TSTD2: variants seen among roughly 807,000 people sequenced by gnomAD.
The protein encoded by TSTD2 is thiosulfate sulfurtransferase/rhodanese-like domain-containing protein 2.
A neutral mutation model predicts 47.9 loss-of-function variants in TSTD2; 37 were observed. The observed-to-expected ratio is 0.77, with a 90% confidence interval of 0.59 to 1.02. The LOEUF (loss-of-function observed/expected upper bound fraction) is 1.02. Ranked by LOEUF, TSTD2 falls within the 50% of genes least tolerant of loss-of-function variation. The pLI, the probability that TSTD2 is intolerant of heterozygous loss-of-function variation, is 0.00. For missense variants in TSTD2, 586 were observed against 616.0 expected, an observed-to-expected ratio of 0.95 and a Z score of 0.52; for synonymous variants, 201 against 215.9, an observed-to-expected ratio of 0.93 and a Z score of 0.61.
At chr9:97,631,808 C>A (rs1200892846) in intron 1 of TSTD2, among the ~76,000 whole-genome samples, 1 of 151,968 alleles carries the variant, frequency 6.6e-6, no homozygotes, top group Non-Finnish European at 1.5e-5. Flanking sequence ...CGTGCCACTG[C>A]ACTCCAGCCT....
Position 97,625,711 on chromosome 9 carries a change from A to G in TSTD2, c.452T>C (p.Ile151Thr), listed in dbSNP as rs1471816339. 1.5e-5 allele frequency: 25 copies of G among 1,613,736 alleles called. No homozygotes were observed. The highest frequency in any genetic ancestry group is 1.5e-4 in the Admixed American group (9 of 59,970). The stretch of plus-strand genomic sequence containing the variant: ...CAGCTCATCAGGGTTAAAGCAGCTT[A>G]TATCAGGGAGCCAAGCAGACACGTC... ...SHDVSAWLPD[I>T]SCFNPDELIS... is the part of the protein sequence containing the mutation. Residue 151 changes from isoleucine to threonine, a missense_variant, in exon 3 of 10, where the codon ATA becomes ACA. By Grantham distance (89) the Ile-to-Thr change is moderately conservative. Transcript: ENST00000341170.
Position 97,627,509 on chromosome 9 carries a change from T to C in TSTD2, c.54A>G (p.Leu18=). 1 of 1,613,418 alleles carries C rather than the reference T, an allele frequency of 6.2e-7. No individual in the cohort carries two copies. The highest frequency in any genetic ancestry group is 8.5e-7 in the Non-Finnish European group (1 of 1,179,506). ...DQGDDLENCI[L]RFSDLDLKDM... is the part of the protein sequence containing the mutation. ...CTTTTAAATCCAGGTCAGAAAATCTTAAAATGCAGTTCTCCAGGTCATCTC... is the reference window on the plus strand; with the variant it reads ...CTTTTAAATCCAGGTCAGAAAATCTCAAAATGCAGTTCTCCAGGTCATCTC... Residue 18 remains leucine, a synonymous_variant, in exon 2 of 10, where the codon TTA becomes TTG. Coordinates refer to ENST00000341170, the MANE Select transcript of TSTD2 (RefSeq NM_139246.5).
rs1279408273 is a variant in TSTD2 at position 97,602,240 on chromosome 9, C to G, written c.*229G>C. ...TCAGCAGCTTTGGGATCCCATGCAG[C>G]TCACCTATTTTCTGTGCTCTAGCAT... On this transcript the variant is annotated 3_prime_UTR_variant, in exon 10 of 10. Transcript: ENST00000341170. 1.1e-5 allele frequency: 6 copies of G among 534,250 alleles called. No individual in the cohort carries two copies. The highest frequency in any genetic ancestry group is 1.9e-5 in the Non-Finnish European group (6 of 311,228). The allele number at this position is 534,250 out of a possible 1,614,324, so 33.1% of individuals were successfully genotyped here. A position where few individuals can be genotyped will look rare whatever the true frequency, so the allele number is the denominator to read the frequency against.
At chr9:97,627,235 C>T in intron 2 of TSTD2, 163 bp downstream of exon 2, 2 of 1,317,526 alleles carry the variant, frequency 1.5e-6, no homozygotes, top group Non-Finnish European at 2.0e-6. Flanking sequence ...CAGGACCACA[C>T]CTTGCCTATG....
chr9:97,617,527 A>G (rs1306496013), intron 4 of TSTD2, among the ~76,000 whole-genome samples: 2 of 152,230 alleles, frequency 1.3e-5, no homozygotes. Context: ...ATTATCTACT[A>G]TCTGGTTCTT....
intron 9 of TSTD2, among the ~76,000 whole-genome samples, chr9:97,603,460 CTCTT>C (rs1272015091): frequency 2.6e-5 from 4 of 152,326 alleles, no homozygotes; most frequent in African/African-American, 9.6e-5. Context: ...ATCAAATCTA[CTCTT>C]TCTACTTGTT....
Position 97,600,535 on chromosome 9 carries a change from C to T in TSTD2, c.*1934G>A. The T allele has an allele frequency of 1.0e-6, 1 of 985,818 alleles. No homozygotes were observed. Among genetic ancestry groups the T allele is most frequent in the Non-Finnish European group, 1.2e-6 (1 of 830,260 alleles). The allele number at this position is 985,818 out of a possible 1,614,324, so 61.1% of individuals were successfully genotyped here. ...TTTGAAAACACCTTTCTATATTGCA[C>T]AGTGGGCAAATGGCTTATGTGAGGT... is the stretch of plus-strand genomic sequence containing the variant. On this transcript the variant is annotated 3_prime_UTR_variant, in exon 10 of 10. Transcript: ENST00000341170.
intron 3 of TSTD2, among the ~76,000 whole-genome samples, chr9:97,620,480 G>A (rs981965255): frequency 3.3e-5 from 5 of 152,244 alleles, no homozygotes; most frequent in Non-Finnish European, 7.3e-5. Context: ...ACCCAAAAAG[G>A]TGGAAGTGAT....
intron 3 of TSTD2, among the ~76,000 whole-genome samples, chr9:97,622,651 C>A (rs1826659128): frequency 6.6e-6 from 1 of 152,256 alleles, no homozygotes; most frequent in African/African-American, 2.4e-5. Context: ...GAGGCTATAC[C>A]CGCAAAGCCA....
intron 1 of TSTD2, 97 bp from the exon 2 acceptor site, chr9:97,627,709 A>ACTTT: frequency 2.7e-6 from 2 of 729,944 alleles, no homozygotes; most frequent in Non-Finnish European, 4.4e-6. Context: ...TGGGCAAAGT[A>ACTTT]GCCCAAGCTA....
intron 3 of TSTD2, among the ~76,000 whole-genome samples, chr9:97,622,930 T>G (rs1265134450): frequency 6.6e-6 from 1 of 152,240 alleles, no homozygotes; most frequent in Admixed American, 6.5e-5. Context: ...GGGATTTGCT[T>G]TGTCTCAGAT....
In TSTD2 at chr9:97,633,202, A is replaced by T. The variant is rs111290752; in HGVS notation, c.-51+41T>A. On this transcript the variant is annotated intron_variant, in intron 1 of 9. Coordinates refer to ENST00000341170, the MANE Select transcript of TSTD2 (RefSeq NM_139246.5). ...CCAACCTCTCCTCCCACTTTTCCCA[A>T]GGCGGCAAAAGCCGGAAAGTGGGAG... The T allele has an allele frequency of 2.2e-3, 345 of 158,200 alleles. 2 individuals carry two copies. The highest frequency in any genetic ancestry group is 7.1e-3 in the African/African-American group (295 of 41,790). The allele number at this position is 158,200 out of a possible 1,614,324, so 9.8% of individuals were successfully genotyped here.
At chr9:97,626,141 A>G in intron 2 of TSTD2, 144 bp from the exon 3 acceptor site, 9 of 786,948 alleles carry the variant, frequency 1.1e-5, no homozygotes, top group Non-Finnish European at 1.6e-5. Flanking sequence ...TCTGAGAAGT[A>G]ACACTTCTCT....
intron 3 of TSTD2, among the ~76,000 whole-genome samples, chr9:97,619,713 TAGAA>T (rs199877437): frequency 0.013 from 2,016 of 152,240 alleles, 43 homozygotes; most frequent in African/African-American, 0.046. Context: ...ATACATAACA[TAGAA>T]AGATGTGTTC....
At chr9:97,610,541 T>C in intron 5 of TSTD2, 90 bp from the exon 6 acceptor site, 1 of 954,652 alleles carries the variant, frequency 1.0e-6, no homozygotes, top group Non-Finnish European at 1.5e-6. Flanking sequence ...TGGTCTGTTT[T>C]GTAATAACAA....
At position 97,602,054 on chromosome 9, in the gene TSTD2, C is replaced by A. The variant is rs112180181; in HGVS notation, c.*415G>T. On this transcript the variant is annotated 3_prime_UTR_variant, in exon 10 of 10. Coordinates refer to ENST00000341170, the MANE Select transcript of TSTD2 (RefSeq NM_139246.5). The stretch of plus-strand genomic sequence containing the variant: ...GAGGTTAAGGGTAGATGGCAGATGA[C>A]CTAAGTGGCTTGTTTTAGGAGGCCA... The A allele has an allele frequency of 0.016, 2,703 of 164,668 alleles. 40 individuals carry two copies. Among genetic ancestry groups the A allele is most frequent in the Non-Finnish European group, 0.024 (1,813 of 76,928 alleles). 10.2% of individuals were successfully genotyped at this position (164,668 alleles called of 1,614,324 possible).
chr9:97,631,412 T>C (rs1826808051), intron 1 of TSTD2, among the ~76,000 whole-genome samples: 1 of 151,966 alleles, frequency 6.6e-6, no homozygotes, highest in African/African-American at 2.4e-5. Context: ...TGAGCCACCA[T>C]GCCTGGCCAG....
chr9:97,600,739 G>A lies in TSTD2; in HGVS notation c.*1730C>T, dbSNP rs1826239035. The A allele has an allele frequency of 2.0e-6, 2 of 1,007,322 alleles. No individual in the cohort carries two copies. Among genetic ancestry groups the A allele is most frequent in the South Asian group, 8.1e-5 (2 of 24,784 alleles). The allele number at this position is 1,007,322 out of a possible 1,614,324, so 62.4% of individuals were successfully genotyped here. Reference sequence around the variant, plus strand: ...TGGTGAAGAAACTCCAGATATCAAGGAATTGGGAAATCCTGGCCAAACCAC... The same window carrying A: ...TGGTGAAGAAACTCCAGATATCAAGAAATTGGGAAATCCTGGCCAAACCAC... On this transcript the variant is annotated 3_prime_UTR_variant, in exon 10 of 10. Coordinates refer to ENST00000341170, the MANE Select transcript of TSTD2 (RefSeq NM_139246.5).
Position 97,617,882 on chromosome 9 carries a change from A to C in TSTD2, c.483-5T>G, listed in dbSNP as rs1349069025. ...CCTTCTTCACTGCCCTGGCCACTAT[A>C]AAATGAAAATCCAAGGCAAAGAGCA... On this transcript the variant is annotated splice_region_variant and splice_polypyrimidine_tract_variant and intron_variant, in intron 3 of 9. Transcript: ENST00000341170. The C allele has an allele frequency of 6.2e-7, 1 of 1,605,778 alleles. No homozygotes were observed. The highest frequency in any genetic ancestry group is 1.1e-5 in the South Asian group (1 of 89,574).
Sources: gnomAD v4.1 joint callset for allele counts (sites outside exome capture counted in the v4.1 genomes callset) on GRCh38, gnomAD v4.1.1 for gene constraint, MANE v1.5 for transcripts, NCBI Gene and HGNC (gene_info 2026-07-23, HGNC 2026-07-21) for gene names.